Variants in SYNE2 observed in about 807,000 individuals in gnomAD.
The protein encoded by SYNE2 is spectrin repeat containing nuclear envelope protein 2.
A neutral mutation model predicts 856.3 loss-of-function variants in SYNE2; 431 were observed. The observed-to-expected ratio is 0.50, with a 90% CI of 0.47 to 0.55. The LOEUF (loss-of-function observed/expected upper bound fraction) is 0.55. Ranked by LOEUF, SYNE2 falls within the 20% of genes least tolerant of loss-of-function variation. SYNE2 has a pLI of 0.00. For missense variants in SYNE2, 8,129 were observed against 8,023.2 expected (o/e 1.01, Z -0.50); for synonymous variants, 2,923 against 2,872.3 (o/e 1.02, Z -0.56).
intron 71 of SYNE2, 29 bp from the exon 72 acceptor site, chr14:64,126,298 T>A: frequency 1.9e-6 from 3 of 1,602,378 alleles, no homozygotes; most frequent in Non-Finnish European, 2.6e-6. Context: ...GTATCTTAAT[T>A]TTCTTTTTCT....
intron 1 of SYNE2, among the ~76,000 whole-genome samples, chr14:63,818,024 C>CA (rs34186501): frequency 0.12 from 7,815 of 64,606 alleles, 677 homozygotes; most frequent in African/African-American, 0.23. Flanking sequence ...GACCCTTTCT[C>CA]AAAAAAAAAA....
intron 76 of SYNE2, 92 bp downstream of exon 76, chr14:64,130,340 T>G (rs1567396528): frequency 8.6e-7 from 1 of 1,167,316 alleles, no homozygotes; most frequent in Non-Finnish European, 1.2e-6. Context: ...TTTTTCTTCT[T>G]TGTTGAAATT....
At chr14:63,900,249 C>T (rs116485655) in intron 1 of SYNE2, among the ~76,000 whole-genome samples, 2,202 of 152,246 alleles carry the variant, frequency 0.014, 48 homozygotes, top group African/African-American at 0.05. Context: ...TTTTTGTTTT[C>T]CAAAAGTGTA....
rs182608678 is a variant in SYNE2 at position 64,065,529 on chromosome 14, T to C, written c.10310T>C (p.Ile3437Thr). The C allele has an allele frequency of 9.3e-6, 15 of 1,614,148 alleles. No individual in the cohort carries two copies. The Admixed American group carries it at 2.5e-4, about 27-fold the overall frequency. The change falls in exon 51 of 116, where the codon ATA becomes ACA. Residue 3437 changes from isoleucine (I) to threonine (T), a missense_variant. By Grantham distance (89) the Ile-to-Thr change is moderately conservative. This residue lies in a region of SYNE2 where 5,410 missense variants were observed against 5,284.8 expected (regional missense o/e 1.02). Coordinates refer to ENST00000555002, the MANE Select transcript of SYNE2 (RefSeq NM_182914.3). The stretch of plus-strand genomic sequence containing the variant: ...CTCAGGTGCACAGAAAATGATGGCA[T>C]ATGTTTGCTCAAGATTGTGTCGGCT... ...LRLRCTENDG[I>T]CLLKIVSALW...
chr14:64,172,166 A>G (rs962566162), intron 94 of SYNE2, among the ~76,000 whole-genome samples: 3 of 152,164 alleles, frequency 2.0e-5, no homozygotes, highest in Admixed American at 2.0e-4. Context: ...TTTTTTAAAG[A>G]TCACTCTGGC....
intron 48 of SYNE2, among the ~76,000 whole-genome samples, chr14:64,055,606 A>G (rs1471043600): frequency 6.6e-6 from 1 of 151,998 alleles, no homozygotes; most frequent in African/African-American, 2.4e-5. Flanking sequence ...GGACCTCGTG[A>G]TCCACCCACC....
In SYNE2 at chr14:63,998,260, A is replaced by G; in HGVS notation, c.3285A>G (p.Leu1095=). Reference sequence around the variant, plus strand: ...TGAAGTTTAGCCTGGCATCAGTGTTAAGGCCTCTGCAAGAAGAAAGCATTA... The same window carrying G: ...TGAAGTTTAGCCTGGCATCAGTGTTGAGGCCTCTGCAAGAAGAAAGCATTA... ...PTMKFSLASV[L]RPLQEESIME... The change falls in exon 26 of 116, where the codon TTA becomes TTG. Residue 1095 remains leucine, a synonymous_variant. Transcript: ENST00000555002. 1 of 1,613,146 alleles carries G rather than the reference A, an allele frequency of 6.2e-7. No individual in the cohort carries two copies. The highest frequency in any genetic ancestry group is 2.2e-5 in the East Asian group (1 of 44,836).
intron 41 of SYNE2, among the ~76,000 whole-genome samples, chr14:64,025,879 C>CT (rs1320272721): frequency 6.6e-6 from 1 of 151,976 alleles, no homozygotes; most frequent in Non-Finnish European, 1.5e-5. Flanking sequence ...CTTGGGCTCC[C>CT]TTTTTATCTA....
At chr14:63,776,449 TAGTA>T (rs1455657277) in intron 1 of SYNE2, among the ~76,000 whole-genome samples, 7 of 152,112 alleles carry the variant, frequency 4.6e-5, no homozygotes, top group Non-Finnish European at 1.0e-4. Flanking sequence ...ATGTCAAAAA[TAGTA>T]AGAGAGTTTT....
chr14:64,056,365 T>G (rs2097268580), intron 49 of SYNE2, 99 bp downstream of exon 49: 2 of 1,175,276 alleles, frequency 1.7e-6, no homozygotes, highest in South Asian at 1.6e-5. Context: ...AAAATATAGG[T>G]TTTTTTCTCT....
In SYNE2 at chr14:64,225,557, C is replaced by T. The variant is rs769225796; in HGVS notation, c.*31C>T. ...ATAGCTGGCCACAGTGCTACACCAC[C>T]TGCCTGATTGCCAAGGGTGCCCAGC... On this transcript the variant is annotated 3_prime_UTR_variant, in exon 116 of 116. Transcript: ENST00000555002. 11 of 1,608,200 alleles carry T rather than the reference C, an allele frequency of 6.8e-6. No individual in the cohort carries two copies. The Admixed American group carries it at 1.3e-4, about 20-fold the overall frequency.
chr14:63,795,216 G>A (rs182087560), intron 1 of SYNE2, among the ~76,000 whole-genome samples: 414 of 152,228 alleles, frequency 2.7e-3, no homozygotes, highest in Non-Finnish European at 4.3e-3. Flanking sequence ...GACTCAATGG[G>A]CTGGGGAAGG....
intron 11 of SYNE2, among the ~76,000 whole-genome samples, chr14:63,974,260 A>G (rs965897776): frequency 6.6e-6 from 1 of 152,184 alleles, no homozygotes; most frequent in African/African-American, 2.4e-5. Context: ...TATTTGGCTC[A>G]CGTTTCTGCT....
intron 100 of SYNE2, among the ~76,000 whole-genome samples, chr14:64,204,070 C>A (rs900441618): frequency 6.6e-6 from 1 of 152,170 alleles, no homozygotes; most frequent in Non-Finnish European, 1.5e-5. Flanking sequence ...TAAAAGATAC[C>A]TGTTATCTGG....
intron 2 of SYNE2, among the ~76,000 whole-genome samples, chr14:63,925,392 G>T (rs1012001021): frequency 8.0e-6 from 1 of 124,910 alleles, no homozygotes; most frequent in Non-Finnish European, 1.9e-5. Context: ...TTGTGAATAC[G>T]TAGTAGTTGT....
rs1249620850 is a variant in SYNE2 at position 64,002,859 on chromosome 14, A to C, written c.3926A>C (p.Glu1309Ala). ...ATACTGAAATACAAAACACAATTTG[A>C]AGGAATGAACCACAGGGTGCAGAGG... is the stretch of plus-strand genomic sequence containing the variant. ...NIILKYKTQF[E>A]GMNHRVQRSE... Residue 1309 changes from glutamate to alanine, a missense_variant, in exon 30 of 116, where the codon GAA becomes GCA. By Grantham distance (107) the Glu-to-Ala change is moderately radical. Coordinates refer to ENST00000555002, the MANE Select transcript of SYNE2 (RefSeq NM_182914.3). The C allele has an allele frequency of 1.2e-6, 2 of 1,614,090 alleles. No individual in the cohort carries two copies. Among genetic ancestry groups the C allele is most frequent in the Non-Finnish European group, 1.7e-6 (2 of 1,180,046 alleles).
intron 71 of SYNE2, among the ~76,000 whole-genome samples, chr14:64,125,740 C>T (rs947188063): frequency 6.6e-6 from 1 of 152,164 alleles, no homozygotes; most frequent in African/African-American, 2.4e-5. Flanking sequence ...AGATCTGTGG[C>T]TCCCAGACTC....
intron 47 of SYNE2, among the ~76,000 whole-genome samples, chr14:64,050,441 A>G (rs958280467): frequency 2.6e-5 from 4 of 152,252 alleles, no homozygotes; most frequent in African/African-American, 9.6e-5. Context: ...TGTTTTACAG[A>G]GTAATTTATG....
rs372515789 is a variant in SYNE2 at position 64,167,578 on chromosome 14, C to T, written c.16844C>T (p.Ala5615Val). 3.0e-5 allele frequency: 48 copies of T among 1,614,052 alleles called. No individual in the cohort carries two copies. The Middle Eastern group carries it at 1.2e-3, about 39-fold the overall frequency. ...CAACTTTTGGAGAAGATAGAAGAAG[C>T]ACTCAAAGTGGATGTGGCTAACAGC... ...WIQLLEKIEE[A>V]LKVDVANSLP... Residue 5615 changes from alanine to valine, a missense_variant, in exon 92 of 116, where the codon GCA becomes GTA. Transcript: ENST00000555002.
Sources: allele counts gnomAD v4.1 joint callset (sites outside exome capture counted in the v4.1 genomes callset), GRCh38; gene constraint gnomAD v4.1.1; regional missense constraint gnomAD v4.1.1; transcripts MANE v1.5; gene names NCBI Gene and HGNC (gene_info 2026-07-23, HGNC 2026-07-21).